Variants in PCDH11X observed in about 807,000 individuals in gnomAD.
PCDH11X encodes protocadherin 11 X-linked.
Under a neutral mutation model 53.3 loss-of-function variants are expected in PCDH11X, and 18 were observed. That is an observed-to-expected ratio of 0.34 (90% CI 0.23 to 0.50). The LOEUF (loss-of-function observed/expected upper bound fraction) is 0.50, where lower values mean the gene tolerates loss of function less well. Among genes scored for constraint, PCDH11X ranks in the 20% least tolerant of loss-of-function variants. The pLI is 0.98. For synonymous variants in PCDH11X, 279 were observed against 393.3 expected (o/e 0.71, Z 3.44); for missense variants, 570 against 1,032.4 (o/e 0.55, Z 6.14).
rs986756863 is a variant in PCDH11X at position 92,010,705 on chromosome X, G to T, written c.3033+131432G>T. ...TGAATACTAGATAAATCATAAGCTA[G>T]TGAAAAAGCCACAATCACTATTTTT... On this transcript the variant is annotated intron_variant, in intron 6 of 10. Coordinates refer to ENST00000682573, the MANE Select transcript of PCDH11X (RefSeq NM_032968.5). 1.1e-4 allele frequency among the ~76,000 whole-genome samples: 12 copies of T among 109,943 alleles called. No homozygotes were observed. The East Asian group carries it at 1.4e-3, about 13-fold the overall frequency.
chrX:92,443,067 A>C (rs2072549748), intron 9 of PCDH11X, among the ~76,000 whole-genome samples: 1 of 104,984 alleles, frequency 9.5e-6, no homozygotes, highest in South Asian at 4.6e-4. Context: ...CCATAGCCTC[A>C]CCAGCATCTG....
At chrX:91,967,279 G>A (rs1014367031) in intron 6 of PCDH11X, among the ~76,000 whole-genome samples, 1 of 110,077 alleles carries the variant, frequency 9.1e-6, no homozygotes, top group African/African-American at 3.3e-5. Flanking sequence ...CAAACCGTGG[G>A]CCATGGACCG....
intron 6 of PCDH11X, among the ~76,000 whole-genome samples, chrX:92,147,254 A>G (rs2148226875): frequency 9.2e-6 from 1 of 108,425 alleles, no homozygotes; most frequent in African/African-American, 3.4e-5. Flanking sequence ...TGTCTTTTTA[A>G]ATGAAGATAC....
intron 7 of PCDH11X, among the ~76,000 whole-genome samples, chrX:92,240,479 A>G (rs2067244354): frequency 9.0e-6 from 1 of 111,631 alleles, no homozygotes; most frequent in African/African-American, 3.3e-5. Context: ...ATATAATGCC[A>G]CATTATCACA....
At chrX:92,041,223 AC>A (rs1349271351) in intron 6 of PCDH11X, among the ~76,000 whole-genome samples, 1 of 101,948 alleles carries the variant, frequency 9.8e-6, no homozygotes, top group African/African-American at 3.6e-5. Context: ...TCCTCCTTCA[AC>A]AAAGTATAGA....
chrX:92,117,170 C>T (rs746418296), intron 6 of PCDH11X, among the ~76,000 whole-genome samples: 61 of 108,716 alleles, frequency 5.6e-4, no homozygotes, highest in African/African-American at 1.9e-3. Context: ...GGCATGGTGG[C>T]TCACGCCTGT....
intron 7 of PCDH11X, among the ~76,000 whole-genome samples, chrX:92,250,610 T>TATATAA (rs1556304333): frequency 1.6e-4 from 17 of 105,565 alleles, no homozygotes; most frequent in East Asian, 2.8e-4. Context: ...TATATATATA[T>TATATAA]AAAATAATAT....
intron 6 of PCDH11X, among the ~76,000 whole-genome samples, chrX:91,984,684 A>G (rs898431120): frequency 4.5e-5 from 5 of 111,417 alleles, no homozygotes; most frequent in African/African-American, 1.6e-4. Flanking sequence ...ATAAATTCAG[A>G]CCATAACCTG....
At chrX:92,210,788 C>A (rs1226648217) in intron 7 of PCDH11X, among the ~76,000 whole-genome samples, 2 of 111,519 alleles carry the variant, frequency 1.8e-5, no homozygotes, top group Non-Finnish European at 3.8e-5. Flanking sequence ...AGCAGCGGCA[C>A]AATGCTGCCA....
chrX:91,825,856 A>G (rs1461019426), intron 4 of PCDH11X, among the ~76,000 whole-genome samples: 2 of 107,847 alleles, frequency 1.9e-5, no homozygotes, highest in Non-Finnish European at 3.8e-5. Flanking sequence ...GGATCTATAC[A>G]GTTGTTTACA....
intron 10 of PCDH11X, among the ~76,000 whole-genome samples, chrX:92,538,383 C>G (rs1427987794): frequency 9.2e-6 from 1 of 109,176 alleles, no homozygotes; most frequent in African/African-American, 3.3e-5. Context: ...TTATTGACAA[C>G]TAGAGACTTA....
At chrX:92,514,972 G>A (rs113200293) in intron 10 of PCDH11X, among the ~76,000 whole-genome samples, 27,759 of 99,226 alleles carry the variant, frequency 0.28, 3,785 homozygotes, top group Non-Finnish European at 0.36. Context: ...GCGTGAACCC[G>A]GGAGGCGGAG....
At chrX:92,479,858 G>A (rs1163933028) in intron 10 of PCDH11X, among the ~76,000 whole-genome samples, 1 of 110,184 alleles carries the variant, frequency 9.1e-6, no homozygotes, top group East Asian at 2.9e-4. Context: ...ATCTTACTGA[G>A]GTTCTCTGAA....
chrX:92,321,349 T>C (rs1348511485), intron 8 of PCDH11X, among the ~76,000 whole-genome samples: 14 of 108,131 alleles, frequency 1.3e-4, no homozygotes, highest in Non-Finnish European at 5.7e-5. Flanking sequence ...CCTGCCACCA[T>C]GCCCAGCTAA....
intron 6 of PCDH11X, among the ~76,000 whole-genome samples, chrX:92,021,162 G>A (rs2147999340): frequency 9.0e-6 from 1 of 111,355 alleles, no homozygotes; most frequent in South Asian, 3.8e-4. Flanking sequence ...TCCAGCAAGG[G>A]CACAGAACTG....
At chrX:92,156,680 A>G (rs2065542215) in intron 6 of PCDH11X, among the ~76,000 whole-genome samples, 1 of 112,069 alleles carries the variant, frequency 8.9e-6, no homozygotes, top group Non-Finnish European at 1.9e-5. Context: ...TGTAACTTAT[A>G]CCCCGTTCTT....
At chrX:92,463,208 C>A (rs999356979) in intron 9 of PCDH11X, among the ~76,000 whole-genome samples, 12 of 110,971 alleles carry the variant, frequency 1.1e-4, no homozygotes, top group African/African-American at 3.9e-4. Context: ...TAGTATTTTT[C>A]AATAGGCATT....
chrX:92,181,540 C>A (rs1421248743), intron 6 of PCDH11X, among the ~76,000 whole-genome samples: 1 of 111,740 alleles, frequency 8.9e-6, no homozygotes, highest in Non-Finnish European at 1.9e-5. Context: ...CATCAAGGAC[C>A]TTTGCAGTAG....
chrX:92,015,751 C>G (rs1271047509), intron 6 of PCDH11X, among the ~76,000 whole-genome samples: 2 of 111,967 alleles, frequency 1.8e-5, no homozygotes, highest in African/African-American at 6.5e-5. Context: ...TTGAACCCCT[C>G]AAAGTCATCC....
Sources: allele counts gnomAD v4.1 joint callset (sites outside exome capture counted in the v4.1 genomes callset), GRCh38; gene constraint gnomAD v4.1.1; transcripts MANE v1.5; gene names NCBI Gene and HGNC (gene_info 2026-07-23, HGNC 2026-07-21).